The following ARID1A variants were observed in gnomAD, a reference collection of about 807,000 sequenced individuals.
ARID1A encodes the protein AT-rich interaction domain 1A, also known as AT-rich interactive domain-containing protein 1A.
ARID1A carries 20 observed loss-of-function variants against 212.6 expected under a neutral mutation model. The observed-to-expected ratio is 0.09, with a 90% CI of 0.07 to 0.14. The LOEUF (loss-of-function observed/expected upper bound fraction) is 0.14. ARID1A is among the 10% of genes least tolerant of loss of function. The pLI is 1.00. For missense variants in ARID1A, 2,587 were observed against 3,059.0 expected (o/e 0.85, Z 3.64); for synonymous variants, 1,376 against 1,222.1 (o/e 1.13, Z -2.63).
intron 1 of ARID1A, among the ~76,000 whole-genome samples, chr1:26,723,161 T>A (rs910379563): frequency 6.6e-6 from 1 of 152,172 alleles, no homozygotes; most frequent in African/African-American, 2.4e-5. Flanking sequence ...TGATTTATGC[T>A]GGTCATTTTA....
chr1:26,726,251 C>T (rs1333193421), intron 1 of ARID1A, among the ~76,000 whole-genome samples: 1 of 148,720 alleles, frequency 6.7e-6, no homozygotes, highest in Non-Finnish European at 1.5e-5. Flanking sequence ...CGGCTCGCTT[C>T]AGTCTTCGCC....
At chr1:26,744,497 C>T (rs546607524) in intron 4 of ARID1A, among the ~76,000 whole-genome samples, 19 of 152,254 alleles carry the variant, frequency 1.2e-4, no homozygotes, top group African/African-American at 2.9e-4. Flanking sequence ...TTAAGCACAC[C>T]GTTTGAATTT....
chr1:26,712,021 C>T (rs2080459270), intron 1 of ARID1A, among the ~76,000 whole-genome samples: 1 of 151,940 alleles, frequency 6.6e-6, no homozygotes, highest in East Asian at 1.9e-4. Flanking sequence ...GCTGAGGCTG[C>T]AGTGAGCCAT....
At chr1:26,710,157 C>T (rs549616951) in intron 1 of ARID1A, among the ~76,000 whole-genome samples, 36 of 141,790 alleles carry the variant, frequency 2.5e-4, no homozygotes, top group South Asian at 5.1e-4. Context: ...ACACACAGGC[C>T]GGGTGCGGTG....
chr1:26,721,000 T>G (rs931445178), intron 1 of ARID1A, among the ~76,000 whole-genome samples: 3 of 152,094 alleles, frequency 2.0e-5, no homozygotes, highest in Non-Finnish European at 4.4e-5. Context: ...TCTTGACCAC[T>G]CCCTCAGGAA....
At chr1:26,730,500 T>C (rs2080664047) in intron 2 of ARID1A, among the ~76,000 whole-genome samples, 1 of 152,234 alleles carries the variant, frequency 6.6e-6, no homozygotes. Flanking sequence ...CAAATTTTAC[T>C]TCTAAGACTT....
At chr1:26,736,152 G>A (rs1168198293) in intron 4 of ARID1A, among the ~76,000 whole-genome samples, 3 of 151,378 alleles carry the variant, frequency 2.0e-5, no homozygotes, top group Non-Finnish European at 4.4e-5. Context: ...GTGAAACCCC[G>A]TCTCTACTAA....
intron 1 of ARID1A, among the ~76,000 whole-genome samples, chr1:26,698,120 G>C (rs867333850): frequency 6.6e-6 from 1 of 152,234 alleles, no homozygotes; most frequent in African/African-American, 2.4e-5. Flanking sequence ...GGCTCCGCCG[G>C]CCCAGTGGCC....
chr1:26,728,200 C>T (rs1557590125), intron 1 of ARID1A, among the ~76,000 whole-genome samples: 1 of 152,142 alleles, frequency 6.6e-6, no homozygotes, highest in Non-Finnish European at 1.5e-5. Flanking sequence ...CATCATCACT[C>T]ACCAATTTAG....
In ARID1A at chr1:26,772,496, A is replaced by G; in HGVS notation, c.3407-4A>G. On this transcript the variant is annotated splice_region_variant and splice_polypyrimidine_tract_variant and intron_variant, in intron 12 of 19. Coordinates refer to ENST00000324856, the MANE Select transcript of ARID1A (RefSeq NM_006015.6). ...AACTACTCAACTTGTATCTCTGTCC[A>G]CAGCGGGATCAGGATCTATGCAGGG... 1 of 1,614,230 alleles carries G rather than the reference A, an allele frequency of 6.2e-7. No individual in the cohort carries two copies. Among genetic ancestry groups the G allele is most frequent in the Non-Finnish European group, 8.5e-7 (1 of 1,180,042 alleles).
intron 19 of ARID1A, among the ~76,000 whole-genome samples, chr1:26,776,277 T>C (rs1240544910): frequency 6.6e-6 from 1 of 150,940 alleles, no homozygotes; most frequent in African/African-American, 2.4e-5. Context: ...TTTAACAATA[T>C]TCTTTTTTTT....
At position 26,774,065 on chromosome 1, in the gene ARID1A, C is replaced by T; in HGVS notation, c.4101+167C>T. 9.2e-7 allele frequency: 1 copy of T among 1,086,030 alleles called. No homozygotes were observed. Among genetic ancestry groups the T allele is most frequent in the Non-Finnish European group, 1.3e-6 (1 of 765,884 alleles). 67.3% of individuals were successfully genotyped at this position (1,086,030 alleles called of 1,614,324 possible). A position where few individuals can be genotyped will look rare whatever the true frequency, so the allele number is the denominator to read the frequency against. On this transcript the variant is annotated intron_variant, in intron 17 of 19. Coordinates refer to ENST00000324856, the MANE Select transcript of ARID1A (RefSeq NM_006015.6). This position sits in a 1 kb window ranked among gnomAD's most constrained non-coding sequence, Gnocchi z 5.6. ...TGAAGAGCCACGTCCTCAATCTCTT[C>T]TCTATTTGGAGTTGGAAGGGGCTAG... is the stretch of plus-strand genomic sequence containing the variant.
chr1:26,774,601 G>T lies in ARID1A; in HGVS notation c.4374G>T (p.Gln1458His), dbSNP rs1326805327. The change falls in exon 18 of 20, where the codon CAG becomes CAT. Residue 1458 changes from glutamine to histidine, a missense_variant. Around this residue, in one of 11 missense-constraint regions of ARID1A, gnomAD observed 890 missense variants for 1,098.2 expected, o/e 0.81. Coordinates refer to ENST00000324856, the MANE Select transcript of ARID1A (RefSeq NM_006015.6). This position sits in a 1 kb window ranked among gnomAD's most constrained non-coding sequence, Gnocchi z 5.6. Reference sequence around the variant, plus strand: ...GCCCCCAGAACCAATTTCCATTCCAGTTTGGCCGAGACCGTGTCTCTGCAC... The same window carrying T: ...GCCCCCAGAACCAATTTCCATTCCATTTTGGCCGAGACCGTGTCTCTGCAC... ...AGGPQNQFPF[Q>H]FGRDRVSAPP... 1 of 1,614,062 alleles carries T rather than the reference G, an allele frequency of 6.2e-7. No homozygotes were observed. Among genetic ancestry groups the T allele is most frequent in the Non-Finnish European group, 8.5e-7 (1 of 1,180,042 alleles).
In ARID1A at chr1:26,762,187, A is replaced by C. The variant is rs1209615174; in HGVS notation, c.2287A>C (p.Ser763Arg). The change falls in exon 7 of 20, where the codon AGT (serine) becomes CGT (arginine). Residue 763 changes from serine (S) to arginine (R), a missense_variant. By Grantham distance (110) the Ser-to-Arg change is moderately radical (BLOSUM62 -1). Around this residue, in one of 11 missense-constraint regions of ARID1A, gnomAD observed 674 missense variants for 813.4 expected, o/e 0.83. Transcript: ENST00000324856. ...GAGGAACCCCCAGATGCCCCAGTAC[A>C]GTTCCCCCCAGCCCGGCTCAGCCTT... ...MQRNPQMPQY[S>R]SPQPGSALSP... The C allele has an allele frequency of 1.2e-6, 2 of 1,614,022 alleles. No homozygotes were observed. The highest frequency in any genetic ancestry group is 1.7e-5 in the Admixed American group (1 of 59,992).
chr1:26,776,547 AC>A (rs2081138121), intron 19 of ARID1A, among the ~76,000 whole-genome samples: 1 of 152,302 alleles, frequency 6.6e-6, no homozygotes, highest in Middle Eastern at 3.4e-3. Flanking sequence ...TGCTGGGATT[AC>A]AGGCGTGAGC....
Position 26,761,462 on chromosome 1 carries a change from C to T in ARID1A, c.2240C>T (p.Ala747Val), listed in dbSNP as rs1244463961. Reference sequence around the variant, plus strand: ...CCTTCCATGAACCAATCAAGCATTGCCCAAGATCGAGGTGAGAGCCTGGGT... The same window carrying T: ...CCTTCCATGAACCAATCAAGCATTGTCCAAGATCGAGGTGAGAGCCTGGGT... ...MHPSMNQSSI[A>V]QDRGYMQRNP... is the part of the protein sequence containing the mutation. The change falls in exon 6 of 20, where the codon GCC becomes GTC. Residue 747 changes from alanine (A) to valine (V), a missense_variant. Ala to Val is a moderately conservative substitution (Grantham distance 64). Transcript: ENST00000324856. 1.9e-6 allele frequency: 3 copies of T among 1,614,174 alleles called. No individual in the cohort carries two copies. The highest frequency in any genetic ancestry group is 1.1e-5 in the South Asian group (1 of 91,088).
At position 26,731,494 on chromosome 1, in the gene ARID1A, C is replaced by T. The variant is rs1410475479; in HGVS notation, c.1693C>T (p.Pro565Ser). Residue 565 changes from proline (P) to serine (S), a missense_variant, in exon 3 of 20, where the codon CCT (proline) becomes TCT (serine). Coordinates refer to ENST00000324856, the MANE Select transcript of ARID1A (RefSeq NM_006015.6). ...QAQSPYQQQQ[P>S]QQPAPSTLSQ... Reference sequence around the variant, plus strand: ...TCAGTCTCCTTACCAGCAGCAGCAACCTCAGCAGCCAGCACCCTCGACGCT... The same window carrying T: ...TCAGTCTCCTTACCAGCAGCAGCAATCTCAGCAGCCAGCACCCTCGACGCT... The T allele has an allele frequency of 5.0e-6, 8 of 1,613,906 alleles. No homozygotes were observed. The highest frequency in any genetic ancestry group is 6.8e-6 in the Non-Finnish European group (8 of 1,180,020).
chr1:26,750,624 G>T (rs1249485569), intron 4 of ARID1A, among the ~76,000 whole-genome samples: 2 of 152,082 alleles, frequency 1.3e-5, no homozygotes, highest in Non-Finnish European at 2.9e-5. Flanking sequence ...GCCATCTAGA[G>T]GCCAGGAATA....
chr1:26,768,108 C>A, intron 11 of ARID1A, 109 bp downstream of exon 11: 1 of 1,222,932 alleles, frequency 8.2e-7, no homozygotes, highest in Non-Finnish European at 1.1e-6. Context: ...ATCATCCCCT[C>A]TCCCGCTTTC....
Sources: gnomAD v4.1 joint callset for allele counts (sites outside exome capture counted in the v4.1 genomes callset) on GRCh38, gnomAD v4.1.1 for gene constraint, gnomAD v4.1.1 regional missense constraint, Gnocchi (gnomAD v3.1) non-coding constraint, MANE v1.5 for transcripts, NCBI Gene and HGNC (gene_info 2026-07-23, HGNC 2026-07-21) for gene names.